The following PARM1 variants were observed in gnomAD, a reference collection of about 807,000 sequenced individuals.
PARM1 encodes WSC4, cell wall integrity and stress response component 4 homolog.
PARM1 carries 14 observed loss-of-function variants against 24.6 expected under a neutral mutation model. The observed-to-expected ratio is 0.57, with a 90% CI of 0.38 to 0.89. PARM1 has a LOEUF of 0.89. PARM1 is among the 40% of genes least tolerant of loss of function. PARM1 has a pLI of 0.00. For synonymous variants in PARM1, 179 were observed against 156.6 expected, an observed-to-expected ratio of 1.14 and a Z score of -1.07; for missense variants, 362 against 380.4, an observed-to-expected ratio of 0.95 and a Z score of 0.40.
At chr4:74,956,076 A>G (rs1039142156) in intron 1 of PARM1, 5 of 152,266 alleles carry the variant, frequency 3.3e-5, no homozygotes, top group South Asian at 2.1e-4. Context: ...TTAAAAATTT[A>G]TATAACACAA....
intron 1 of PARM1, among the ~76,000 whole-genome samples, chr4:74,986,275 G>A (rs1279203432): frequency 6.6e-6 from 1 of 152,062 alleles, no homozygotes; most frequent in East Asian, 1.9e-4. Context: ...AGTTTCCTTT[G>A]CAGTACGAAA....
At chr4:74,961,100 A>G (rs1362531877) in intron 1 of PARM1, among the ~76,000 whole-genome samples, 1 of 152,134 alleles carries the variant, frequency 6.6e-6, no homozygotes, top group African/African-American at 2.4e-5. Flanking sequence ...ATAAAGAGAG[A>G]AAAAGCCTAA....
intron 2 of PARM1, among the ~76,000 whole-genome samples, chr4:75,032,905 A>T (rs896020669): frequency 1.3e-5 from 2 of 152,194 alleles, no homozygotes; most frequent in East Asian, 3.8e-4. Context: ...TAGTGCCGAA[A>T]ACTCACTTTA....
chr4:74,936,555 G>T (rs774504771), intron 1 of PARM1, among the ~76,000 whole-genome samples: 100 of 151,008 alleles, frequency 6.6e-4, no homozygotes, highest in Non-Finnish European at 4.6e-4. Flanking sequence ...CCGGGTTCAC[G>T]CCATTCTCCT....
At chr4:74,986,396 T>C (rs1038151068) in intron 1 of PARM1, among the ~76,000 whole-genome samples, 1 of 152,212 alleles carries the variant, frequency 6.6e-6, no homozygotes, top group African/African-American at 2.4e-5. Flanking sequence ...AAAATATTTC[T>C]TCATGACTTA....
chr4:74,951,657 A>G (rs1415610904), intron 1 of PARM1, among the ~76,000 whole-genome samples: 6 of 151,302 alleles, frequency 4.0e-5, no homozygotes, highest in Non-Finnish European at 5.9e-5. Context: ...TTATTGTTCA[A>G]CTCCCACTTA....
At chr4:74,967,220 C>T (rs762112575) in intron 1 of PARM1, 7 of 152,290 alleles carry the variant, frequency 4.6e-5, no homozygotes, top group African/African-American at 1.7e-4. Flanking sequence ...TAAGCTCAGT[C>T]TCCACTTTGC....
At chr4:74,995,249 A>G (rs1722555035) in intron 1 of PARM1, among the ~76,000 whole-genome samples, 1 of 152,188 alleles carries the variant, frequency 6.6e-6, no homozygotes, top group Non-Finnish European at 1.5e-5. Flanking sequence ...TCTAGAAGTC[A>G]TGTGCAGAGT....
At chr4:75,026,275 G>A (rs571783738) in intron 2 of PARM1, among the ~76,000 whole-genome samples, 2 of 152,308 alleles carry the variant, frequency 1.3e-5, no homozygotes, top group South Asian at 4.2e-4. Flanking sequence ...AAAGTATAAT[G>A]TGGTATACCT....
intron 1 of PARM1, among the ~76,000 whole-genome samples, chr4:74,975,319 T>C (rs1722121195): frequency 6.6e-6 from 1 of 152,210 alleles, no homozygotes; most frequent in Non-Finnish European, 1.5e-5. Flanking sequence ...TTCCCAATCA[T>C]GTTAGAGTGC....
chr4:74,940,125 A>G (rs925058009), intron 1 of PARM1, among the ~76,000 whole-genome samples: 2 of 152,190 alleles, frequency 1.3e-5, no homozygotes, highest in Non-Finnish European at 2.9e-5. Flanking sequence ...AGAACACCTT[A>G]TATTTCCTAA....
intron 1 of PARM1, among the ~76,000 whole-genome samples, chr4:74,992,374 T>C (rs116754306): frequency 2.0e-5 from 3 of 152,166 alleles, no homozygotes; most frequent in Admixed American, 1.3e-4. Context: ...GGACAACTTC[T>C]AGAGGCTTAG....
intron 1 of PARM1, among the ~76,000 whole-genome samples, chr4:74,981,277 AC>A (rs907727935): frequency 2.0e-5 from 3 of 152,186 alleles, no homozygotes; most frequent in African/African-American, 7.2e-5. Flanking sequence ...AAGAAAACAA[AC>A]AACCTCACTA....
chr4:74,942,888 A>G (rs997918647), intron 1 of PARM1, among the ~76,000 whole-genome samples: 1 of 152,154 alleles, frequency 6.6e-6, no homozygotes, highest in African/African-American at 2.4e-5. Context: ...CTTAGAGTAA[A>G]AGCCAAAATC....
At chr4:75,025,715 T>TTATTATCTCAACCAAGATTA (rs1477079505) in intron 2 of PARM1, among the ~76,000 whole-genome samples, 16 of 152,344 alleles carry the variant, frequency 1.1e-4, no homozygotes, top group Admixed American at 7.2e-4. Context: ...TGCAAGTATT[T>TTATTATCTCAACCAAGATTA]TATTATCTCA....
chr4:74,965,937 G>T (rs1721892497), intron 1 of PARM1, among the ~76,000 whole-genome samples: 1 of 152,138 alleles, frequency 6.6e-6, no homozygotes, highest in Non-Finnish European at 1.5e-5. Flanking sequence ...TTAAAAACTG[G>T]TGAAATTCAA....
chr4:74,967,762 G>GT (rs1187808386), intron 1 of PARM1: 2 of 152,186 alleles, frequency 1.3e-5, no homozygotes, highest in African/African-American at 4.8e-5. Context: ...TTAACTTGTG[G>GT]TTTTTCCTTG....
At chr4:75,015,307 C>T (rs1208788044) in intron 2 of PARM1, among the ~76,000 whole-genome samples, 1 of 152,132 alleles carries the variant, frequency 6.6e-6, no homozygotes, top group Non-Finnish European at 1.5e-5. Context: ...CCAGCAGGGT[C>T]AAGAGGCCCC....
At chr4:75,043,989 A>G (rs1723549510) in intron 3 of PARM1, among the ~76,000 whole-genome samples, 1 of 152,032 alleles carries the variant, frequency 6.6e-6, no homozygotes, top group African/African-American at 2.4e-5. Flanking sequence ...CAGGACATAA[A>G]TCAGAATTTT....
Sources: gnomAD v4.1 joint callset for allele counts (sites outside exome capture counted in the v4.1 genomes callset) on GRCh38, gnomAD v4.1.1 for gene constraint, MANE v1.5 for transcripts, NCBI Gene and HGNC (gene_info 2026-07-23, HGNC 2026-07-21) for gene names.